Variants in DCC observed in about 807,000 individuals in gnomAD.
DCC encodes DCC netrin 1 receptor.
DCC carries 58 observed loss-of-function variants against 172.5 expected under a neutral mutation model. That is an observed-to-expected ratio of 0.34 (90% CI 0.27 to 0.42). The LOEUF (loss-of-function observed/expected upper bound fraction) is 0.42, where lower values mean the gene tolerates loss of function less well. Ranked by LOEUF, DCC falls within the 10% of genes least tolerant of loss-of-function variation. DCC has a pLI of 1.00. For synonymous variants in DCC, 709 were observed against 644.5 expected (o/e 1.10, Z -1.52); for missense variants, 1,740 against 1,791.0 (o/e 0.97, Z 0.51).
At position 53,239,149 on chromosome 18, in the gene DCC, T is replaced by A. The variant is rs1598936245; in HGVS notation, c.1911+23552T>A. Among the ~76,000 whole-genome samples, 5 of 150,466 alleles carry A rather than the reference T, an allele frequency of 3.3e-5. No individual in the cohort carries two copies. In the South Asian group the frequency reaches 1.0e-3, roughly 32 times the overall value. ...CATGGCACGTGTATACATATGTAACTAACCTGCACGTTGTGCACATGTACC... is the reference window on the plus strand; with the variant it reads ...CATGGCACGTGTATACATATGTAACAAACCTGCACGTTGTGCACATGTACC... On this transcript the variant is annotated intron_variant, in intron 12 of 28. Coordinates refer to ENST00000442544, the MANE Select transcript of DCC (RefSeq NM_005215.4).
intron 2 of DCC, among the ~76,000 whole-genome samples, chr18:52,790,269 C>T (rs2037736358): frequency 6.6e-6 from 1 of 152,162 alleles, no homozygotes; most frequent in Non-Finnish European, 1.5e-5. Context: ...CCTGGGTCTG[C>T]ATCCTAGCCT....
At chr18:53,262,782 T>A (rs904031101) in intron 12 of DCC, among the ~76,000 whole-genome samples, 5 of 152,202 alleles carry the variant, frequency 3.3e-5, no homozygotes, top group African/African-American at 1.2e-4. Flanking sequence ...TGGCAAATAA[T>A]CACAAGCATC....
intron 14 of DCC, among the ~76,000 whole-genome samples, chr18:53,323,637 T>G (rs2057435455): frequency 6.6e-6 from 1 of 151,972 alleles, no homozygotes; most frequent in African/African-American, 2.4e-5. Context: ...GATGGGTGGA[T>G]GGATGGATGG....
chr18:52,684,309 G>A (rs776883191), intron 1 of DCC, among the ~76,000 whole-genome samples: 14 of 151,926 alleles, frequency 9.2e-5, no homozygotes, highest in Non-Finnish European at 1.5e-4. Flanking sequence ...ATCACAACCA[G>A]CAATTTAAAA....
Position 52,976,174 on chromosome 18 carries a change from C to T in DCC, c.985+50804C>T, listed in dbSNP as rs148650189. 1.6e-4 allele frequency among the ~76,000 whole-genome samples: 24 copies of T among 151,666 alleles called. No homozygotes were observed. The East Asian group carries it at 1.7e-3, about 11-fold the overall frequency. On this transcript the variant is annotated intron_variant, in intron 5 of 28. Coordinates refer to ENST00000442544, the MANE Select transcript of DCC (RefSeq NM_005215.4). ...ATCTTCTTTTGAAAAGTGTTCATGTCCTTTGCTCACATTTTTATAGGGTCA... is the reference window on the plus strand; with the variant it reads ...ATCTTCTTTTGAAAAGTGTTCATGTTCTTTGCTCACATTTTTATAGGGTCA...
chr18:53,170,776 G>C (rs943881892), intron 8 of DCC, among the ~76,000 whole-genome samples: 1 of 152,082 alleles, frequency 6.6e-6, no homozygotes. Flanking sequence ...GAAATCTGGG[G>C]CTCAGAAAGT....
intron 1 of DCC, among the ~76,000 whole-genome samples, chr18:52,604,342 G>A (rs978496595): frequency 6.6e-6 from 1 of 152,088 alleles, no homozygotes; most frequent in African/African-American, 2.4e-5. Flanking sequence ...TAGCTTCTAT[G>A]TATATCAGTT....
intron 7 of DCC, among the ~76,000 whole-genome samples, chr18:53,085,716 G>A (rs1160374750): frequency 2.0e-5 from 3 of 151,594 alleles, no homozygotes; most frequent in Admixed American, 2.0e-4. Context: ...TGGGAAGATG[G>A]TAGAATCATC....
intron 9 of DCC, among the ~76,000 whole-genome samples, chr18:53,197,479 A>C (rs2055462901): frequency 6.8e-6 from 1 of 148,134 alleles, no homozygotes; most frequent in Non-Finnish European, 1.5e-5. Flanking sequence ...GAACAGTAGA[A>C]CTCATTGTAC....
At chr18:53,510,157 T>A (rs2046232981) in intron 27 of DCC, among the ~76,000 whole-genome samples, 1 of 152,146 alleles carries the variant, frequency 6.6e-6, no homozygotes, top group Non-Finnish European at 1.5e-5. Context: ...TCCTAACCTG[T>A]CCTTAGCACC....
chr18:53,475,848 G>T (rs1390489254), intron 25 of DCC, among the ~76,000 whole-genome samples: 1 of 152,172 alleles, frequency 6.6e-6, no homozygotes, highest in Admixed American at 6.5e-5. Context: ...TGTGCACCTG[G>T]AAGAGCTGCA....
chr18:52,788,786 G>A (rs1353001117), intron 2 of DCC, among the ~76,000 whole-genome samples: 2 of 152,138 alleles, frequency 1.3e-5, no homozygotes, highest in Non-Finnish European at 2.9e-5. Flanking sequence ...AACAGGCACA[G>A]CTGAAGGCAA....
intron 21 of DCC, among the ~76,000 whole-genome samples, chr18:53,418,961 C>A (rs528950561): frequency 2.0e-5 from 3 of 151,956 alleles, no homozygotes; most frequent in Admixed American, 6.6e-5. Context: ...TTGCATCACC[C>A]TATCTCTTGC....
intron 1 of DCC, among the ~76,000 whole-genome samples, chr18:52,448,559 A>G (rs909928294): frequency 6.6e-6 from 1 of 152,138 alleles, no homozygotes; most frequent in Non-Finnish European, 1.5e-5. Flanking sequence ...GAAGTTTTCT[A>G]AGATTTATCT....
chr18:52,365,394 T>A (rs918274653), intron 1 of DCC, among the ~76,000 whole-genome samples: 9 of 152,206 alleles, frequency 5.9e-5, no homozygotes, highest in Non-Finnish European at 1.3e-4. Context: ...AAGTAACACA[T>A]GATTACTTAT....
chr18:53,092,967 C>G (rs1418943270), intron 7 of DCC, among the ~76,000 whole-genome samples: 1 of 106,012 alleles, frequency 9.4e-6, no homozygotes, highest in Non-Finnish European at 1.9e-5. Context: ...TGAACAACTG[C>G]ATTACTATTT....
At chr18:53,318,974 A>C (rs1025734897) in intron 13 of DCC, among the ~76,000 whole-genome samples, 1 of 152,184 alleles carries the variant, frequency 6.6e-6, no homozygotes, top group African/African-American at 2.4e-5. Context: ...TCTTAAGGAA[A>C]AGAATTGGCA....
intron 1 of DCC, among the ~76,000 whole-genome samples, chr18:52,438,613 C>G (rs1283284653): frequency 6.6e-6 from 1 of 152,114 alleles, no homozygotes. Flanking sequence ...AAACAAGAAA[C>G]TCTTTAAAAA....
chr18:52,571,805 G>A (rs1285781579), intron 1 of DCC, among the ~76,000 whole-genome samples: 1 of 152,046 alleles, frequency 6.6e-6, no homozygotes, highest in Non-Finnish European at 1.5e-5. Context: ...GTTCGGTTCT[G>A]GTCTTTCAGT....
Sources: gnomAD v4.1 joint callset for allele counts (sites outside exome capture counted in the v4.1 genomes callset) on GRCh38, gnomAD v4.1.1 for gene constraint, MANE v1.5 for transcripts, NCBI Gene and HGNC (gene_info 2026-07-23, HGNC 2026-07-21) for gene names.